The following RP2 variants were observed in gnomAD, a reference collection of about 807,000 sequenced individuals.
RP2 encodes the protein protein XRP2.
RP2 carries 3 observed loss-of-function variants against 20.3 expected under a neutral mutation model. The ratio of observed to expected loss-of-function variants is 0.15; its 90% CI spans 0.07 to 0.38. The LOEUF (loss-of-function observed/expected upper bound fraction) is 0.38, where lower values mean the gene tolerates loss of function less well. RP2 is among the 10% of genes least tolerant of loss of function. The pLI, the probability that RP2 is intolerant of heterozygous loss-of-function variation, is 1.00. For missense variants in RP2, 233 were observed against 268.5 expected, an observed-to-expected ratio of 0.87 and a Z score of 0.92; for synonymous variants, 75 against 94.8, an observed-to-expected ratio of 0.79 and a Z score of 1.22.
chrX:46,870,538 C>T (rs1208320911), intron 3 of RP2, among the ~76,000 whole-genome samples: 2 of 111,965 alleles, frequency 1.8e-5, no homozygotes, highest in Non-Finnish European at 3.8e-5. Context: ...CAGGCATGAG[C>T]CACTGTGCCT....
rs781920975 is a variant in RP2, at chrX:46,861,162, CA to C, written c.883+1061del. On this transcript the variant is annotated intron_variant, in intron 3 of 4. Coordinates refer to ENST00000218340, the MANE Select transcript of RP2 (RefSeq NM_006915.3). Reference sequence around the variant, plus strand: ...TCTTAGCAGCTTTTGGAAATTGAATCAGGTAATAAGTGTATTGGACATCCTA... The same window carrying C: ...TCTTAGCAGCTTTTGGAAATTGAATCGGTAATAAGTGTATTGGACATCCTA... Among the ~76,000 whole-genome samples the C allele has an allele frequency of 2.7e-5, 3 of 111,805 alleles. No homozygotes were observed. In the South Asian group the frequency reaches 1.1e-3, roughly 42 times the overall value.
At chrX:46,875,504 A>G (rs921361530) in intron 3 of RP2, among the ~76,000 whole-genome samples, 2 of 111,009 alleles carry the variant, frequency 1.8e-5, no homozygotes, top group Non-Finnish European at 3.8e-5. Context: ...ATTGGTATAC[A>G]GTGAATTTTG....
At chrX:46,877,669 T>C in intron 4 of RP2, 79 bp downstream of exon 4, 2 of 735,132 alleles carry the variant, frequency 2.7e-6, no homozygotes, top group Admixed American at 2.4e-5. Flanking sequence ...AATACTTTAA[T>C]ACTTTTGTCC....
In RP2 at chrX:46,853,466, G is replaced by A. The variant is rs1556318520; in HGVS notation, c.103-10G>A. The A allele has an allele frequency of 8.3e-7, 1 of 1,205,785 alleles. No homozygotes were observed. The highest frequency in any genetic ancestry group is 1.1e-6 in the Non-Finnish European group (1 of 891,727). The stretch of plus-strand genomic sequence containing the variant: ...TAATAATACTCAAGGTCTGTGTTTT[G>A]TTCCTGCAGGTTGATCCAAAAGACT... On this transcript the variant is annotated splice_polypyrimidine_tract_variant and intron_variant, in intron 1 of 4. Coordinates refer to ENST00000218340, the MANE Select transcript of RP2 (RefSeq NM_006915.3).
chrX:46,861,404 C>T (rs782451489), intron 3 of RP2, among the ~76,000 whole-genome samples: 1 of 111,731 alleles, frequency 9.0e-6, no homozygotes, highest in South Asian at 3.7e-4. Context: ...GCAGGAATTT[C>T]AGCAAATAAA....
intron 1 of RP2, among the ~76,000 whole-genome samples, chrX:46,842,120 G>T (rs2147076437): frequency 9.0e-6 from 1 of 111,366 alleles, no homozygotes; most frequent in East Asian, 2.8e-4. Context: ...CACCATGTTG[G>T]CCAGGCTGGT....
At chrX:46,862,730 T>A (rs1289402418) in intron 3 of RP2, among the ~76,000 whole-genome samples, 1 of 111,868 alleles carries the variant, frequency 8.9e-6, no homozygotes, top group Non-Finnish European at 1.9e-5. Context: ...AAAGGGGAAG[T>A]GTACCTTTAC....
intron 2 of RP2, among the ~76,000 whole-genome samples, chrX:46,854,770 A>C (rs965023809): frequency 2.7e-5 from 3 of 109,887 alleles, no homozygotes; most frequent in African/African-American, 9.9e-5. Context: ...AAGAAAATGC[A>C]ATTTTTTTTT....
chrX:46,862,523 G>A (rs1226548286), intron 3 of RP2, among the ~76,000 whole-genome samples: 2 of 110,367 alleles, frequency 1.8e-5, no homozygotes, highest in East Asian at 2.8e-4. Flanking sequence ...AGCCGGGCGT[G>A]GTGGCGGGCG....
intron 3 of RP2, among the ~76,000 whole-genome samples, chrX:46,873,047 C>G (rs939200345): frequency 4.4e-4 from 49 of 111,533 alleles, no homozygotes; most frequent in African/African-American, 1.5e-3. Context: ...CCTGAACCGT[C>G]ACTTATTTTT....
intron 4 of RP2, 36 bp downstream of exon 4, chrX:46,877,626 T>C: frequency 1.1e-6 from 1 of 947,909 alleles, no homozygotes; most frequent in Non-Finnish European, 1.5e-6. Context: ...CAATCTAACT[T>C]TTCATTTCAT....
At chrX:46,853,397 C>A in intron 1 of RP2, 79 bp from the exon 2 acceptor site, 2 of 917,598 alleles carry the variant, frequency 2.2e-6, no homozygotes, top group Non-Finnish European at 3.1e-6. Flanking sequence ...AAGAACTGTG[C>A]CTGGCAGCCA....
chrX:46,874,702 A>G (rs1396825687), intron 3 of RP2, among the ~76,000 whole-genome samples: 4 of 112,364 alleles, frequency 3.6e-5, no homozygotes, highest in Non-Finnish European at 7.5e-5. Flanking sequence ...AGAATTAACA[A>G]TAATTCCTTA....
intron 1 of RP2, among the ~76,000 whole-genome samples, chrX:46,851,473 C>G (rs898638560): frequency 9.2e-6 from 1 of 109,140 alleles, no homozygotes; most frequent in Non-Finnish European, 1.9e-5. Flanking sequence ...CCCATCTCTA[C>G]TAAAAATACA....
intron 3 of RP2, among the ~76,000 whole-genome samples, chrX:46,872,818 G>A (rs1031628297): frequency 1.6e-4 from 18 of 111,250 alleles, no homozygotes; most frequent in Admixed American, 1.6e-3. Context: ...GCTCACTGCA[G>A]CTTCGACCTC....
At chrX:46,870,558 G>A (rs1780802378) in intron 3 of RP2, among the ~76,000 whole-genome samples, 1 of 111,558 alleles carries the variant, frequency 9.0e-6, no homozygotes, top group African/African-American at 3.3e-5. Flanking sequence ...TGGCCTAGGG[G>A]ATATTTTAAA....
At chrX:46,864,271 C>T (rs782033261) in intron 3 of RP2, among the ~76,000 whole-genome samples, 3 of 111,081 alleles carry the variant, frequency 2.7e-5, no homozygotes, top group East Asian at 5.7e-4. Context: ...CCACTGCACT[C>T]GAGCTTGGGC....
intron 1 of RP2, among the ~76,000 whole-genome samples, chrX:46,844,725 C>G (rs1385065931): frequency 9.0e-6 from 1 of 111,513 alleles, no homozygotes; most frequent in Non-Finnish European, 1.9e-5. Context: ...AATGGTATTT[C>G]TAGTTCTAGA....
chrX:46,856,045 A>G (rs1924954139), intron 2 of RP2, among the ~76,000 whole-genome samples: 1 of 112,051 alleles, frequency 8.9e-6, no homozygotes, highest in Non-Finnish European at 1.9e-5. Flanking sequence ...GGTAAGATAC[A>G]GAAAAATGTG....
Sources: gnomAD v4.1 joint callset for allele counts (sites outside exome capture counted in the v4.1 genomes callset) on GRCh38, gnomAD v4.1.1 for gene constraint, MANE v1.5 for transcripts, NCBI Gene and HGNC (gene_info 2026-07-23, HGNC 2026-07-21) for gene names.